Variants in RAB44 observed in about 807,000 individuals in gnomAD.
The protein encoded by RAB44 is ras-related protein Rab-44.
A neutral mutation model predicts 93.3 loss-of-function variants in RAB44; 67 were observed. The observed-to-expected ratio is 0.72, with a 90% CI of 0.59 to 0.88. The LOEUF (loss-of-function observed/expected upper bound fraction) is 0.88, where lower values mean the gene tolerates loss of function less well. Ranked by LOEUF, RAB44 falls within the 40% of genes least tolerant of loss-of-function variation. RAB44 has a pLI of 0.00. For synonymous variants in RAB44, 427 were observed against 520.3 expected (o/e 0.82, Z 2.44); for missense variants, 1,064 against 1,261.7 (o/e 0.84, Z 2.37).
intron 10 of RAB44, 22 bp downstream of exon 10, chr6:36,725,965 T>G: frequency 1.3e-6 from 2 of 1,539,850 alleles, no homozygotes; most frequent in Non-Finnish European, 1.8e-6. Flanking sequence ...TGTATATCAG[T>G]GTGTCAGGAA....
chr6:36,722,379 G>A lies in RAB44; in HGVS notation c.2245G>A (p.Gly749Arg), dbSNP rs1474030382. ...ACCTCCAAGGGGCTCTCCTCCCAGG[G>A]GGGCTCAGCCTGGGGCTGGAGCAGG... ...SAPPRGSPPR[G>R]AQPGAGAGPQ... Residue 749 changes from glycine to arginine, a missense_variant, in exon 9 of 14, where the codon GGG becomes AGG. Transcript: ENST00000612677. 1 of 1,367,716 alleles carries A rather than the reference G, an allele frequency of 7.3e-7. No homozygotes were observed. The highest frequency in any genetic ancestry group is 2.7e-5 in the East Asian group (1 of 37,188). 84.7% of individuals were successfully genotyped at this position (1,367,716 alleles called of 1,614,324 possible).
Position 36,717,382 on chromosome 6 carries a change from C to A in RAB44, c.604C>A (p.Gln202Lys). Residue 202 changes from glutamine (Q) to lysine (K), a missense_variant, in exon 5 of 14, where the codon CAG (glutamine) becomes AAG (lysine). Transcript: ENST00000612677. The surrounding 1 kb of genome is among the most constrained non-coding windows in gnomAD (Gnocchi z 4.1). ...GATGACCAGCCGCCTGCAGGAGGCC[C>A]AGGCGGACAAGGAGGCCCTGGAGCT... ...AKMTSRLQEA[Q>K]ADKEALELTL... 8.1e-7 allele frequency: 1 copy of A among 1,232,236 alleles called. No individual in the cohort carries two copies. Among genetic ancestry groups the A allele is most frequent in the South Asian group, 4.1e-5 (1 of 24,318 alleles). The allele number at this position is 1,232,236 out of a possible 1,614,324, so 76.3% of individuals were successfully genotyped here. A position where few individuals can be genotyped will look rare whatever the true frequency, so the allele number is the denominator to read the frequency against.
rs1376366522 is a variant in RAB44, at chr6:36,722,217, G to A, written c.2083G>A (p.Glu695Lys). The A allele has an allele frequency of 7.9e-7, 1 of 1,260,686 alleles. No homozygotes were observed. Among genetic ancestry groups the A allele is most frequent in the Non-Finnish European group, 1.0e-6 (1 of 1,004,016 alleles). 78.1% of individuals were successfully genotyped at this position (1,260,686 alleles called of 1,614,324 possible). A position where few individuals can be genotyped will look rare whatever the true frequency, so the allele number is the denominator to read the frequency against. ...GCAGGACCTCAGTTCAGAGCAGTCA[G>A]AGCAGTCGGTTGAGGCTCACGGCCT... ...GGQDLSSEQS[E>K]QSVEAHGLET... Residue 695 changes from glutamate to lysine, a missense_variant, in exon 9 of 14, where the codon GAG becomes AAG. Transcript: ENST00000612677.
At chr6:36,719,586 G>A (rs1763016699) in intron 7 of RAB44, among the ~76,000 whole-genome samples, 1 of 152,202 alleles carries the variant, frequency 6.6e-6, no homozygotes, top group Non-Finnish European at 1.5e-5. Context: ...CATAGGAAAT[G>A]GTGATCAGTG....
rs941809498 is a variant in RAB44 at position 36,731,013 on chromosome 6, T to C, written c.2975+264T>C. ...ACTTAGGCTCTCTGAGCCTCAGTTT[T>C]TTCATTTGCAAAGAGGGCTGAGAAA... On this transcript the variant is annotated intron_variant, in intron 13 of 13. Transcript: ENST00000612677. This position sits in a 1 kb window ranked among gnomAD's most constrained non-coding sequence, Gnocchi z 4.0. Among the ~76,000 whole-genome samples, 3 of 152,038 alleles carry C rather than the reference T, an allele frequency of 2.0e-5. No individual in the cohort carries two copies. The highest frequency in any genetic ancestry group is 2.9e-5 in the Non-Finnish European group (2 of 68,000).
At chr6:36,705,862 C>A (rs912446399) in intron 2 of RAB44, among the ~76,000 whole-genome samples, 3 of 151,644 alleles carry the variant, frequency 2.0e-5, no homozygotes, top group Non-Finnish European at 4.4e-5. Flanking sequence ...TGGACGCTTT[C>A]ATACAGAATC....
intron 8 of RAB44, 90 bp downstream of exon 8, chr6:36,720,640 C>A: frequency 1.1e-6 from 1 of 934,466 alleles, no homozygotes; most frequent in Non-Finnish European, 1.4e-6. Flanking sequence ...ATCTAGCTAG[C>A]ACACAGTGCA....
At chr6:36,701,438 G>A (rs544854390) in intron 1 of RAB44, among the ~76,000 whole-genome samples, 1 of 152,276 alleles carries the variant, frequency 6.6e-6, no homozygotes, top group Admixed American at 6.5e-5. Context: ...TCAGTTGTCT[G>A]TTAGAACATT....
chr6:36,700,986 A>G (rs1244987607), intron 1 of RAB44, among the ~76,000 whole-genome samples: 2 of 152,188 alleles, frequency 1.3e-5, no homozygotes, highest in Non-Finnish European at 2.9e-5. Context: ...ATGGAGCAAC[A>G]TGGGATGAAT....
intron 2 of RAB44, among the ~76,000 whole-genome samples, chr6:36,713,396 A>G (rs1231101311): frequency 2.6e-5 from 4 of 151,954 alleles, no homozygotes; most frequent in Admixed American, 1.3e-4. Context: ...GGGTTTCACT[A>G]TGTTGTCCAG....
intron 9 of RAB44, 86 bp downstream of exon 9, chr6:36,722,819 T>A: frequency 6.7e-7 from 1 of 1,486,366 alleles, no homozygotes; most frequent in Non-Finnish European, 9.0e-7. Flanking sequence ...GACCAAGCCC[T>A]CCCTGAGGAA....
rs1184702053 is a variant in RAB44, at chr6:36,721,190, T to TGCCTCCCCTGAGGAGGCC, written c.1057_1074dup (p.Ala353_Ala358dup). The TGCCTCCCCTGAGGAGGCC allele has an allele frequency of 2.1e-5, 26 of 1,234,184 alleles. No individual in the cohort carries two copies. The African/African-American group carries it at 4.0e-4, about 19-fold the overall frequency. The allele number at this position is 1,234,184 out of a possible 1,614,324, so 76.5% of individuals were successfully genotyped here. ...GTGAGAAGACCCCAGACCCTCAGGC[T>TGCCTCCCCTGAGGAGGCC]GCCTCCCCTGAGGAGGCCCCCCTGC... On this transcript the variant is annotated inframe_insertion, in exon 9 of 14. Coordinates refer to ENST00000612677, the MANE Select transcript of RAB44 (RefSeq NM_001257357.2).
intron 2 of RAB44, 124 bp from the exon 3 acceptor site, chr6:36,713,704 C>T: frequency 1.5e-6 from 1 of 671,038 alleles, no homozygotes; most frequent in Non-Finnish European, 2.7e-6. Context: ...GGTCAGGTTA[C>T]TGGAGGGACT....
intron 3 of RAB44, among the ~76,000 whole-genome samples, chr6:36,714,767 C>A (rs1441319538): frequency 6.6e-6 from 1 of 152,234 alleles, no homozygotes; most frequent in Non-Finnish European, 1.5e-5. Context: ...CCAGGAACTT[C>A]CCAGTGCCTG....
chr6:36,710,436 C>T (rs1762755895), intron 2 of RAB44, among the ~76,000 whole-genome samples: 1 of 152,148 alleles, frequency 6.6e-6, no homozygotes, highest in Non-Finnish European at 1.5e-5. Flanking sequence ...TTTTGTCTAC[C>T]CTCTTATCTG....
At chr6:36,704,608 G>A (rs920265450) in intron 2 of RAB44, among the ~76,000 whole-genome samples, 166 bp downstream of exon 2, 1 of 152,202 alleles carries the variant, frequency 6.6e-6, no homozygotes, top group Non-Finnish European at 1.5e-5. Flanking sequence ...AAAATGACAG[G>A]TAAGGCTTTA....
intron 7 of RAB44, among the ~76,000 whole-genome samples, chr6:36,718,825 T>C (rs1762993060): frequency 6.6e-6 from 1 of 152,202 alleles, no homozygotes; most frequent in South Asian, 2.1e-4. Context: ...GGTTACTTGC[T>C]GCTGCCCGGA....
chr6:36,715,102 A>AATATAT (rs3046039), intron 3 of RAB44, among the ~76,000 whole-genome samples: 1,564 of 148,274 alleles, frequency 0.011, 76 homozygotes, highest in African/African-American at 0.037. Context: ...GTTGGCTTAA[A>AATATAT]ATATATATAT....
At chr6:36,726,563 A>G (rs1017851767) in intron 10 of RAB44, among the ~76,000 whole-genome samples, 7 of 152,132 alleles carry the variant, frequency 4.6e-5, no homozygotes, top group African/African-American at 1.2e-4. Context: ...CTTAAAAGGC[A>G]TATCTTATTT....
Sources: gnomAD v4.1 joint callset for allele counts (sites outside exome capture counted in the v4.1 genomes callset) on GRCh38, gnomAD v4.1.1 for gene constraint, Gnocchi (gnomAD v3.1) non-coding constraint, MANE v1.5 for transcripts, NCBI Gene and HGNC (gene_info 2026-07-23, HGNC 2026-07-21) for gene names.